The following PTPRS variants were observed in gnomAD, a reference collection of about 807,000 sequenced individuals.
PTPRS encodes receptor-type tyrosine-protein phosphatase S.
In PTPRS, 63 loss-of-function variants were observed where a neutral mutation model predicts 215.3. The ratio of observed to expected loss-of-function variants is 0.29; its 90% CI spans 0.24 to 0.36. The LOEUF (loss-of-function observed/expected upper bound fraction) is 0.36. PTPRS is among the 10% of genes least tolerant of loss of function. The pLI is 1.00. For synonymous variants in PTPRS, 1,404 were observed against 1,191.4 expected (o/e 1.18, Z -3.68); for missense variants, 2,258 against 2,825.8 (o/e 0.80, Z 4.56).
Position 5,339,193 on chromosome 19 carries a change from G to A in PTPRS, c.-95+1471C>T, listed in dbSNP as rs923998925. ...GAAGGGGGCTCCCCTAGATTGTGACGGGGGGGGACAGGGGAATCCCAGCTG... is the reference window on the plus strand; with the variant it reads ...GAAGGGGGCTCCCCTAGATTGTGACAGGGGGGGACAGGGGAATCCCAGCTG... On this transcript the variant is annotated intron_variant, in intron 1 of 37. Coordinates refer to ENST00000262963, the MANE Select transcript of PTPRS (RefSeq NM_002850.4). The surrounding 1 kb of genome is among the most constrained non-coding windows in gnomAD (Gnocchi z 4.2). 4.4e-4 allele frequency among the ~76,000 whole-genome samples: 66 copies of A among 150,888 alleles called. No homozygotes were observed. Among genetic ancestry groups the A allele is most frequent in the African/African-American group, 1.6e-3 (65 of 40,626 alleles).
rs1141371 is a variant in PTPRS at position 5,273,560 on chromosome 19, T to G, written c.261A>C (p.Ala87=). 336,502 of 1,613,918 alleles carry G rather than the reference T, an allele frequency of 0.21. 37,869 individuals are homozygous for G. The highest frequency in any genetic ancestry group is 0.28 in the Middle Eastern group (1,715 of 6,062). ...RFETIEFDES[A]GAVLRIQPLR... is the part of the protein sequence containing the mutation. Reference sequence around the variant, plus strand: ...GCGGCTGGATCCTCAGCACTGCCCCTGCACTCTCATCAAACTCAATCGTCT... The same window carrying G: ...GCGGCTGGATCCTCAGCACTGCCCCGGCACTCTCATCAAACTCAATCGTCT... Residue 87 remains alanine, a synonymous_variant, in exon 4 of 38, where the codon GCA becomes GCC. Coordinates refer to ENST00000262963, the MANE Select transcript of PTPRS (RefSeq NM_002850.4).
rs115945796 is a variant in PTPRS, at chr19:5,212,160, G to A, written c.4860C>T (p.His1620=). Residue 1620 remains histidine, a synonymous_variant, in exon 32 of 38, where the codon CAC becomes CAT. Transcript: ENST00000262963. ...TGCGCTGGGACCTCATGAGCGTCAC[G>A]TGGCCATAGACATCGACTGTCTTCT... is the stretch of plus-strand genomic sequence containing the variant. ...KPEKTVDVYG[H]VTLMRSQRNY... 29 of 1,614,078 alleles carry A rather than the reference G, an allele frequency of 1.8e-5. No homozygotes were observed. In the South Asian group the frequency reaches 2.4e-4, roughly 13 times the overall value.
In PTPRS at chr19:5,243,964, C is replaced by G. The variant is rs1488811231; in HGVS notation, c.1507G>C (p.Ala503Pro). 1 of 1,593,876 alleles carries G rather than the reference C, an allele frequency of 6.3e-7. No homozygotes were observed. Among genetic ancestry groups the G allele is most frequent in the African/African-American group, 1.3e-5 (1 of 74,764 alleles). Reference protein sequence around the residue: ...EDETYTVRVLAFTSVGDGPLS... With the variant: ...EDETYTVRVLPFTSVGDGPLS... ...GGCCCGTCGCCGACGGAGGTGAAGG[C>G]GAGCACCCGCACGGTGTAGGTCTCG... The change falls in exon 11 of 38, where the codon GCC (alanine) becomes CCC (proline). Residue 503 changes from alanine (A) to proline (P), a missense_variant. Ala to Pro is a conservative substitution (Grantham distance 27). Coordinates refer to ENST00000262963, the MANE Select transcript of PTPRS (RefSeq NM_002850.4).
rs2050612160 is a variant in PTPRS, at chr19:5,339,388, A to G, written c.-95+1276T>C. 6.6e-6 allele frequency among the ~76,000 whole-genome samples: 1 copy of G among 151,912 alleles called. No homozygotes were observed. The highest frequency in any genetic ancestry group is 2.1e-4 in the South Asian group (1 of 4,814). ...GAGAAGACGATTTGAGACTGGGGAA[A>G]GAGGGTCAACCGAAGAAGGAGGTCC... is the stretch of plus-strand genomic sequence containing the variant. On this transcript the variant is annotated intron_variant, in intron 1 of 37. Transcript: ENST00000262963. This position sits in a 1 kb window ranked among gnomAD's most constrained non-coding sequence, Gnocchi z 4.2.
chr19:5,236,634 A>T (rs928505027), intron 13 of PTPRS, among the ~76,000 whole-genome samples: 5 of 152,210 alleles, frequency 3.3e-5, no homozygotes, highest in Admixed American at 6.5e-5. Context: ...AAACCCAGAG[A>T]CGAATCCTGT....
At chr19:5,290,958 C>G (rs1317976127) in intron 1 of PTPRS, among the ~76,000 whole-genome samples, 1 of 152,002 alleles carries the variant, frequency 6.6e-6, no homozygotes. Flanking sequence ...CAAGCACAGG[C>G]TCTGTGGCCA....
chr19:5,249,297 C>T (rs1001287670), intron 9 of PTPRS, among the ~76,000 whole-genome samples: 2 of 152,144 alleles, frequency 1.3e-5, no homozygotes, highest in South Asian at 2.1e-4. Context: ...GGTGACAGAG[C>T]GAGACTCCAT....
At chr19:5,273,389 C>A in intron 4 of PTPRS, 53 bp downstream of exon 4, 1 of 1,612,322 alleles carries the variant, frequency 6.2e-7, no homozygotes, top group Non-Finnish European at 8.5e-7. Flanking sequence ...TTGTGCTTGT[C>A]CCCAAAGCCC....
chr19:5,244,890 G>C lies in PTPRS; in HGVS notation c.989-408C>G, dbSNP rs1033204926. 1.1e-4 allele frequency among the ~76,000 whole-genome samples: 16 copies of C among 151,826 alleles called. No homozygotes were observed. The highest frequency in any genetic ancestry group is 3.6e-4 in the African/African-American group (15 of 41,348). On this transcript the variant is annotated intron_variant, in intron 10 of 37. Coordinates refer to ENST00000262963, the MANE Select transcript of PTPRS (RefSeq NM_002850.4). This position sits in a 1 kb window ranked among gnomAD's most constrained non-coding sequence, Gnocchi z 7.2. ...TCACTGTGTTAGCCAGGATGGTCTCGATCTCCTGACCTCGTGATCCGCCCG... is the reference window on the plus strand; with the variant it reads ...TCACTGTGTTAGCCAGGATGGTCTCCATCTCCTGACCTCGTGATCCGCCCG...
intron 9 of PTPRS, among the ~76,000 whole-genome samples, chr19:5,252,875 A>G (rs1319089372): frequency 6.9e-6 from 1 of 144,704 alleles, no homozygotes; most frequent in Non-Finnish European, 1.5e-5. Context: ...CTCCATCTCA[A>G]AAAAAAAAAA....
intron 4 of PTPRS, among the ~76,000 whole-genome samples, chr19:5,269,367 C>T (rs377043818): frequency 6.6e-6 from 1 of 152,114 alleles, no homozygotes; most frequent in South Asian, 2.1e-4. Context: ...CCCAGTTCCT[C>T]GGAGTTTAAT....
chr19:5,291,346 G>A (rs956991089), intron 1 of PTPRS, among the ~76,000 whole-genome samples: 1 of 152,122 alleles, frequency 6.6e-6, no homozygotes, highest in African/African-American at 2.4e-5. Flanking sequence ...TGGAGGAGGG[G>A]GCTGGGCTGG....
chr19:5,253,812 A>T (rs1359497011), intron 9 of PTPRS, among the ~76,000 whole-genome samples: 1 of 152,240 alleles, frequency 6.6e-6, no homozygotes, highest in African/African-American at 2.4e-5. Context: ...ACTTGCCCAG[A>T]TCATTTGCTT....
At chr19:5,256,562 C>T (rs1473420763) in intron 8 of PTPRS, among the ~76,000 whole-genome samples, 1 of 152,138 alleles carries the variant, frequency 6.6e-6, no homozygotes, top group Non-Finnish European at 1.5e-5. Context: ...CCCACACCCG[C>T]TGTCCACACT....
chr19:5,251,353 C>T (rs2045047431), intron 9 of PTPRS, among the ~76,000 whole-genome samples: 1 of 152,102 alleles, frequency 6.6e-6, no homozygotes, highest in African/African-American at 2.4e-5. Context: ...TGGCTGGCTC[C>T]CTGGCCCACG....
At chr19:5,228,451 T>C (rs2042716400) in intron 16 of PTPRS, among the ~76,000 whole-genome samples, 1 of 151,562 alleles carries the variant, frequency 6.6e-6, no homozygotes, top group Non-Finnish European at 1.5e-5. Context: ...GTTCAAACGA[T>C]TCTCCTGCCT....
chr19:5,242,227 G>A (rs922667241), intron 11 of PTPRS, among the ~76,000 whole-genome samples: 1 of 152,226 alleles, frequency 6.6e-6, no homozygotes, highest in Non-Finnish European at 1.5e-5. Flanking sequence ...ACAGGGGTGA[G>A]GAGTTAACAG....
chr19:5,283,374 C>T (rs562410423), intron 2 of PTPRS, among the ~76,000 whole-genome samples: 19 of 152,212 alleles, frequency 1.2e-4, no homozygotes, highest in Middle Eastern at 6.8e-3. Context: ...GTCAGGAGTT[C>T]GAGACCAGCC....
intron 1 of PTPRS, among the ~76,000 whole-genome samples, chr19:5,326,095 G>A (rs147040150): frequency 6.6e-6 from 1 of 152,220 alleles, no homozygotes. Context: ...GCCGTATGTG[G>A]TGACACACGC....
Sources: gnomAD v4.1 joint callset for allele counts (sites outside exome capture counted in the v4.1 genomes callset) on GRCh38, gnomAD v4.1.1 for gene constraint, Gnocchi (gnomAD v3.1) non-coding constraint, MANE v1.5 for transcripts, NCBI Gene and HGNC (gene_info 2026-07-23, HGNC 2026-07-21) for gene names.